The following PTPRE variants were observed in gnomAD, a reference collection of about 807,000 sequenced individuals.
The protein encoded by PTPRE is protein tyrosine phosphatase receptor type E.
Under a neutral mutation model 102.0 loss-of-function variants are expected in PTPRE, and 51 were observed. The observed-to-expected ratio is 0.50, with a 90% CI of 0.40 to 0.63. The LOEUF (loss-of-function observed/expected upper bound fraction) is 0.63. PTPRE is among the 30% of genes least tolerant of loss of function. The pLI is 0.00. For missense variants in PTPRE, 752 were observed against 915.1 expected (o/e 0.82, Z 2.30); for synonymous variants, 345 against 348.2 (o/e 0.99, Z 0.10).
intron 11 of PTPRE, among the ~76,000 whole-genome samples, chr10:128,066,537 G>GT (rs1336369617): frequency 6.6e-6 from 1 of 152,132 alleles, no homozygotes; most frequent in Admixed American, 6.5e-5. Context: ...GGGAGGTGGG[G>GT]TTTTTTTCTA....
At chr10:127,970,059 T>A (rs1850603557) in intron 1 of PTPRE, among the ~76,000 whole-genome samples, 1 of 123,112 alleles carries the variant, frequency 8.1e-6, no homozygotes, top group South Asian at 2.7e-4. Flanking sequence ...GAGTTCTTTT[T>A]TTGTTTTTCA....
intron 1 of PTPRE, among the ~76,000 whole-genome samples, chr10:127,947,106 C>T (rs948895581): frequency 2.0e-5 from 3 of 151,200 alleles, no homozygotes; most frequent in South Asian, 2.1e-4. Context: ...GAAGGGTTTA[C>T]GCCATGGGAC....
rs1437831574 is a variant in PTPRE at position 127,944,748 on chromosome 10, T to C, written c.-31+37439T>C. ...CACGTGGATAGCAGGCTGGTGTAGG[T>C]ACAAGACTGGAAGCAAGAGACTAGC... On this transcript the variant is annotated intron_variant, in intron 1 of 20. Transcript: ENST00000254667. This position sits in a 1 kb window ranked among gnomAD's most constrained non-coding sequence, Gnocchi z 4.2. Among the ~76,000 whole-genome samples, 1 of 152,134 alleles carries C rather than the reference T, an allele frequency of 6.6e-6. No individual in the cohort carries two copies. Among genetic ancestry groups the C allele is most frequent in the Non-Finnish European group, 1.5e-5 (1 of 68,016 alleles).
chr10:128,030,318 CTT>C (rs1846639201), intron 2 of PTPRE, among the ~76,000 whole-genome samples: 1 of 152,130 alleles, frequency 6.6e-6, no homozygotes, highest in South Asian at 2.1e-4. Flanking sequence ...GTGGGATTCT[CTT>C]GTTTCACTCA....
intron 2 of PTPRE, among the ~76,000 whole-genome samples, chr10:128,038,460 T>C (rs1847408956): frequency 6.6e-6 from 1 of 152,078 alleles, no homozygotes; most frequent in South Asian, 2.1e-4. Context: ...ATATACACCA[T>C]GGAATACTAT....
At chr10:127,942,025 T>A (rs1848282314) in intron 1 of PTPRE, among the ~76,000 whole-genome samples, 1 of 145,256 alleles carries the variant, frequency 6.9e-6, no homozygotes, top group Non-Finnish European at 1.5e-5. Context: ...GAGCTGAATG[T>A]CTTTTTATCT....
chr10:127,985,021 T>C (rs1851963080), intron 2 of PTPRE, among the ~76,000 whole-genome samples: 2 of 152,336 alleles, frequency 1.3e-5, no homozygotes, highest in South Asian at 4.1e-4. Context: ...GGGAACTTAT[T>C]GCTCACTTGT....
chr10:127,946,831 C>T (rs1174360585), intron 1 of PTPRE, among the ~76,000 whole-genome samples: 5 of 152,024 alleles, frequency 3.3e-5, no homozygotes, highest in East Asian at 1.9e-4. Context: ...CCCAGGAGTT[C>T]GAGACCAACC....
At chr10:128,082,256 A>AGTGCAGTG (rs1360008431) in intron 20 of PTPRE, among the ~76,000 whole-genome samples, 3 of 113,472 alleles carry the variant, frequency 2.6e-5, no homozygotes, top group African/African-American at 3.5e-5. Context: ...CCTAGGCTGG[A>AGTGCAGTG]GTGCAGTGGT....
At chr10:127,943,686 A>T (rs140192074) in intron 1 of PTPRE, among the ~76,000 whole-genome samples, 1 of 152,344 alleles carries the variant, frequency 6.6e-6, no homozygotes, top group African/African-American at 2.4e-5. Context: ...GGCAGATGGT[A>T]TTGGAGAGAC....
intron 1 of PTPRE, among the ~76,000 whole-genome samples, chr10:127,949,638 A>G (rs11018412): frequency 0.29 from 44,016 of 152,136 alleles, 6,682 homozygotes; most frequent in African/African-American, 0.39. Flanking sequence ...TAGCACGGCT[A>G]AACCAAGTGA....
chr10:127,937,816 A>C (rs1260675759), intron 1 of PTPRE, among the ~76,000 whole-genome samples: 1 of 152,160 alleles, frequency 6.6e-6, no homozygotes, highest in Non-Finnish European at 1.5e-5. Context: ...CTGAGATCAC[A>C]CCACTGCCCT....
At chr10:128,043,831 A>G (rs9664254) in intron 3 of PTPRE, among the ~76,000 whole-genome samples, 47,585 of 151,982 alleles carry the variant, frequency 0.31, 7,692 homozygotes, top group Non-Finnish European at 0.36. Context: ...TGACATGGAA[A>G]CTCTCCAAGA....
chr10:127,916,921 C>G (rs535553720), intron 1 of PTPRE, among the ~76,000 whole-genome samples: 2 of 152,100 alleles, frequency 1.3e-5, no homozygotes, highest in Non-Finnish European at 2.9e-5. Context: ...CCCCTCCCCC[C>G]ATCCTGAGGC....
At chr10:127,983,090 C>T (rs116130057) in intron 2 of PTPRE, among the ~76,000 whole-genome samples, 1,764 of 152,272 alleles carry the variant, frequency 0.012, 27 homozygotes, top group African/African-American at 0.039. Flanking sequence ...GCACTGACTC[C>T]GTTCTGAAAT....
intron 2 of PTPRE, among the ~76,000 whole-genome samples, chr10:127,992,576 C>T (rs7911506): frequency 0.32 from 48,908 of 152,036 alleles, 8,092 homozygotes; most frequent in Non-Finnish European, 0.37. Flanking sequence ...TGCTCACCAA[C>T]GCTCCTGGGC....
chr10:128,026,324 A>G (rs1027833135), intron 2 of PTPRE, among the ~76,000 whole-genome samples: 4 of 152,222 alleles, frequency 2.6e-5, no homozygotes, highest in African/African-American at 4.8e-5. Flanking sequence ...GTCTGGCGAG[A>G]GGCCCCCTGC....
intron 1 of PTPRE, among the ~76,000 whole-genome samples, chr10:127,980,485 C>T (rs1037941299): frequency 6.6e-5 from 10 of 151,820 alleles, no homozygotes; most frequent in Non-Finnish European, 1.0e-4. Context: ...CTTTTCAATG[C>T]TTATGTCTTT....
At chr10:128,011,421 G>A (rs545726021) in intron 2 of PTPRE, among the ~76,000 whole-genome samples, 2 of 152,308 alleles carry the variant, frequency 1.3e-5, no homozygotes, top group African/African-American at 2.4e-5. Context: ...GGGGGACCCC[G>A]GAGGAGGCGC....
Sources: allele counts gnomAD v4.1 joint callset (sites outside exome capture counted in the v4.1 genomes callset), GRCh38; gene constraint gnomAD v4.1.1; non-coding constraint Gnocchi (gnomAD v3.1); transcripts MANE v1.5; gene names NCBI Gene and HGNC (gene_info 2026-07-23, HGNC 2026-07-21).